The following CASP2 variants were observed in gnomAD, a reference collection of about 807,000 sequenced individuals.
CASP2 encodes caspase-2.
A neutral mutation model predicts 54.4 loss-of-function variants in CASP2; 38 were observed. That is an observed-to-expected ratio of 0.70 (90% CI 0.54 to 0.92). The LOEUF (loss-of-function observed/expected upper bound fraction) is 0.92. Ranked by LOEUF, CASP2 falls within the 40% of genes least tolerant of loss-of-function variation. CASP2 has a pLI of 0.00. For synonymous variants in CASP2, 215 were observed against 216.3 expected (o/e 0.99, Z 0.05); for missense variants, 512 against 579.6 (o/e 0.88, Z 1.20).
At chr7:143,300,830 C>T in intron 8 of CASP2, 8 of 1,141,992 alleles carry the variant, frequency 7.0e-6, no homozygotes, top group Non-Finnish European at 8.7e-6. Flanking sequence ...TTGACTCTTC[C>T]TTTTCCGTGA....
At chr7:143,288,703 A>C (rs904111615) in intron 1 of CASP2, among the ~76,000 whole-genome samples, 174 bp downstream of exon 1, 1 of 152,212 alleles carries the variant, frequency 6.6e-6, no homozygotes, top group Non-Finnish European at 1.5e-5. Context: ...GACTCCGCGC[A>C]AGGGCCCGCG....
chr7:143,289,535 C>T, intron 1 of CASP2: 1 of 671,704 alleles, frequency 1.5e-6, no homozygotes. Context: ...CTAAAGAAAA[C>T]AGGAACTGGG....
At position 143,288,394 on chromosome 7, in the gene CASP2, A is replaced by G; in HGVS notation, c.-62A>G. ...TGAGGGGAGGGATGTGGGGGAAGCG[A>G]CGGCCCCCGGTTTGTTTGGGCTGTG... On this transcript the variant is annotated 5_prime_UTR_variant, in exon 1 of 11. Transcript: ENST00000310447. 1 of 1,542,244 alleles carries G rather than the reference A, an allele frequency of 6.5e-7. No homozygotes were observed. The highest frequency in any genetic ancestry group is 8.9e-7 in the Non-Finnish European group (1 of 1,121,164).
At chr7:143,300,835 C>T (rs1229681954) in intron 8 of CASP2, 54 of 1,138,886 alleles carry the variant, frequency 4.7e-5, no homozygotes, top group Non-Finnish European at 5.9e-5. Flanking sequence ...TCTTCCTTTT[C>T]CGTGAGCTGC....
intron 4 of CASP2, chr7:143,293,080 A>T (rs912691803): frequency 9.6e-6 from 6 of 622,196 alleles, no homozygotes; most frequent in African/African-American, 3.8e-5. Flanking sequence ...CTTGTCTGGT[A>T]TCTGGCTTTG....
chr7:143,304,824 T>C, intron 10 of CASP2, 41 bp downstream of exon 10: 2 of 1,604,068 alleles, frequency 1.2e-6, no homozygotes, highest in Non-Finnish European at 1.7e-6. Context: ...GTCTCCACAG[T>C]GCTCTACTTT....
At chr7:143,293,047 T>C in intron 4 of CASP2, 1 of 600,740 alleles carries the variant, frequency 1.7e-6, no homozygotes, top group Non-Finnish European at 2.9e-6. Context: ...AGGAGGGGGG[T>C]GTCCCAGATT....
At chr7:143,296,858 G>T (rs1180518133) in intron 6 of CASP2, among the ~76,000 whole-genome samples, 1 of 152,066 alleles carries the variant, frequency 6.6e-6, no homozygotes, top group Non-Finnish European at 1.5e-5. Flanking sequence ...TGATAGTGCT[G>T]CAGTGAACAT....
rs541794403 is a variant in CASP2 at position 143,298,691 on chromosome 7, A to T, written c.748-1232A>T. 1.3e-3 allele frequency: 195 copies of T among 152,292 alleles called. 1 individual carries two copies. The highest frequency in any genetic ancestry group is 4.5e-3 in the African/African-American group (186 of 41,522). The allele number at this position is 152,292 out of a possible 1,614,324, so 9.4% of individuals were successfully genotyped here. The stretch of plus-strand genomic sequence containing the variant: ...TGGCGGACCACCAGGTTGCCTAAGG[A>T]GGGGTGTACCAGCCCAGGTCAGAAA... On this transcript the variant is annotated intron_variant, in intron 6 of 10. Coordinates refer to ENST00000310447, the MANE Select transcript of CASP2 (RefSeq NM_032982.4).
intron 6 of CASP2, among the ~76,000 whole-genome samples, chr7:143,295,793 C>T (rs901814846): frequency 6.6e-6 from 1 of 152,198 alleles, no homozygotes; most frequent in Non-Finnish European, 1.5e-5. Flanking sequence ...TTGCCAGCTT[C>T]CCCCTTGTAG....
chr7:143,288,552 G>T (rs377012822), intron 1 of CASP2, 23 bp downstream of exon 1: 5 of 1,602,692 alleles, frequency 3.1e-6, no homozygotes, highest in Non-Finnish European at 4.3e-6. Flanking sequence ...CGGTCTTAGG[G>T]CTCCTTAGGG....
chr7:143,304,918 C>G, intron 10 of CASP2, 22 bp from the exon 11 acceptor site: 1 of 1,614,178 alleles, frequency 6.2e-7, no homozygotes, highest in Admixed American at 1.7e-5. Flanking sequence ...CAGACTTGGG[C>G]CTATTGGTTC....
intron 4 of CASP2, 26 bp from the exon 5 acceptor site, chr7:143,294,204 T>A: frequency 8.0e-7 from 1 of 1,242,316 alleles, no homozygotes; most frequent in Non-Finnish European, 1.2e-6. Flanking sequence ...ATATACTAGT[T>A]TTTTGGTTTT....
At position 143,288,354 on chromosome 7, in the gene CASP2, G is replaced by A. The variant is rs1031520268; in HGVS notation, c.-102G>A. 8.4e-7 allele frequency: 1 copy of A among 1,195,642 alleles called. No individual in the cohort carries two copies. The highest frequency in any genetic ancestry group is 2.0e-5 in the Admixed American group (1 of 50,692). 74.1% of individuals were successfully genotyped at this position (1,195,642 alleles called of 1,614,324 possible). ...GCGGCAGGGCGCAGGCGCAGGCGCAGTGTGCGTCCGCGTCTGAGGGGAGGG... is the reference window on the plus strand; with the variant it reads ...GCGGCAGGGCGCAGGCGCAGGCGCAATGTGCGTCCGCGTCTGAGGGGAGGG... On this transcript the variant is annotated 5_prime_UTR_variant, in exon 1 of 11. In the 5' UTR this introduces an upstream ATG that the reference lacks. Coordinates refer to ENST00000310447, the MANE Select transcript of CASP2 (RefSeq NM_032982.4).
At chr7:143,294,390 A>C in intron 5 of CASP2, 66 bp downstream of exon 5, 1 of 1,199,676 alleles carries the variant, frequency 8.3e-7, no homozygotes, top group Non-Finnish European at 1.2e-6. Flanking sequence ...TGGGAACCTG[A>C]ACTTAGTTTG....
At chr7:143,288,655 G>T in intron 1 of CASP2, 126 bp downstream of exon 1, 1 of 908,008 alleles carries the variant, frequency 1.1e-6, no homozygotes, top group Non-Finnish European at 1.7e-6. Flanking sequence ...CGCGCTTCCT[G>T]CCAAGGGTGG....
At chr7:143,291,428 T>G in intron 1 of CASP2, 112 bp from the exon 2 acceptor site, 1 of 1,038,022 alleles carries the variant, frequency 9.6e-7, no homozygotes, top group Non-Finnish European at 1.5e-6. Flanking sequence ...ATGCATAATC[T>G]TGGTTATTGT....
chr7:143,296,303 T>C (rs980118220), intron 6 of CASP2, among the ~76,000 whole-genome samples: 6 of 152,220 alleles, frequency 3.9e-5, no homozygotes, highest in African/African-American at 1.4e-4. Context: ...TCAAGCACCT[T>C]ATAATGGGGG....
At chr7:143,296,297 G>C (rs545065349) in intron 6 of CASP2, among the ~76,000 whole-genome samples, 1 of 152,306 alleles carries the variant, frequency 6.6e-6, no homozygotes, top group African/African-American at 2.4e-5. Flanking sequence ...TGAACTTCAA[G>C]CACCTTATAA....
Sources: allele counts gnomAD v4.1 joint callset (sites outside exome capture counted in the v4.1 genomes callset), GRCh38; gene constraint gnomAD v4.1.1; transcripts MANE v1.5; gene names NCBI Gene and HGNC (gene_info 2026-07-23, HGNC 2026-07-21).